The following FSTL5 variants were observed in gnomAD, a reference collection of about 807,000 sequenced individuals.
FSTL5 encodes the protein follistatin-related protein 5.
Under a neutral mutation model 89.1 loss-of-function variants are expected in FSTL5, and 62 were observed. The ratio of observed to expected loss-of-function variants is 0.70; its 90% confidence interval spans 0.57 to 0.86. The LOEUF (loss-of-function observed/expected upper bound fraction) is 0.86, where lower values mean the gene tolerates loss of function less well. FSTL5 is among the 40% of genes least tolerant of loss of function. FSTL5 has a pLI of 0.00. For synonymous variants in FSTL5, 383 were observed against 346.2 expected, an observed-to-expected ratio of 1.11 and a Z score of -1.18; for missense variants, 1,057 against 1,001.6, an observed-to-expected ratio of 1.06 and a Z score of -0.75.
chr4:162,144,054 C>G (rs777914525), intron 1 of FSTL5, among the ~76,000 whole-genome samples: 3 of 152,130 alleles, frequency 2.0e-5, no homozygotes, highest in Non-Finnish European at 4.4e-5. Flanking sequence ...AAAACAAAAC[C>G]TGCTGGCAGA....
chr4:161,506,943 T>C (rs1730502138), intron 11 of FSTL5, among the ~76,000 whole-genome samples: 1 of 152,138 alleles, frequency 6.6e-6, no homozygotes, highest in Admixed American at 6.5e-5. Flanking sequence ...TTAGAAAGAA[T>C]AAAAAAGGCA....
chr4:161,550,918 AT>A (rs1203532829), intron 8 of FSTL5, among the ~76,000 whole-genome samples: 1 of 151,782 alleles, frequency 6.6e-6, no homozygotes, highest in African/African-American at 2.4e-5. Flanking sequence ...CGAACTCATC[AT>A]TTTTTATGGC....
chr4:161,656,292 A>G (rs1360901761), intron 7 of FSTL5, 36 bp downstream of exon 7: 1 of 1,173,772 alleles, frequency 8.5e-7, no homozygotes, highest in African/African-American at 1.6e-5. Flanking sequence ...CACATGAAAT[A>G]TATATATTAT....
chr4:161,934,045 G>T (rs947668619), intron 3 of FSTL5, among the ~76,000 whole-genome samples: 1 of 152,018 alleles, frequency 6.6e-6, no homozygotes, highest in African/African-American at 2.4e-5. Context: ...TTGATGGGAA[G>T]ACCTCATTTG....
At chr4:161,503,840 C>T (rs1023798436) in intron 11 of FSTL5, among the ~76,000 whole-genome samples, 2 of 152,036 alleles carry the variant, frequency 1.3e-5, no homozygotes, top group African/African-American at 4.8e-5. Flanking sequence ...TCTAGTTGAA[C>T]ATAATATAAA....
At chr4:161,932,933 G>C (rs1578872108) in intron 3 of FSTL5, among the ~76,000 whole-genome samples, 2 of 151,918 alleles carry the variant, frequency 1.3e-5, no homozygotes, top group East Asian at 3.9e-4. Context: ...TCAAGCTATT[G>C]ATAAATTCTC....
intron 2 of FSTL5, among the ~76,000 whole-genome samples, chr4:162,058,452 G>A (rs1578993730): frequency 7.2e-6 from 1 of 138,956 alleles, no homozygotes. Flanking sequence ...TTTGAGACAG[G>A]GTCTCGCTCT....
At chr4:161,705,828 C>T (rs1262051461) in intron 6 of FSTL5, among the ~76,000 whole-genome samples, 1 of 148,940 alleles carries the variant, frequency 6.7e-6, no homozygotes, top group Non-Finnish European at 1.5e-5. Flanking sequence ...TATAGGTAAA[C>T]TTGGGAGGAT....
intron 4 of FSTL5, among the ~76,000 whole-genome samples, chr4:161,780,996 G>A (rs1467651966): frequency 6.6e-6 from 1 of 152,080 alleles, no homozygotes; most frequent in South Asian, 2.1e-4. Context: ...GATAGAATTT[G>A]ATTAGTTTGA....
chr4:161,432,620 A>G (rs1370966917), intron 15 of FSTL5, among the ~76,000 whole-genome samples: 1 of 151,986 alleles, frequency 6.6e-6, no homozygotes, highest in Non-Finnish European at 1.5e-5. Flanking sequence ...AAAACAAAAA[A>G]TAGAAAAGAT....
intron 4 of FSTL5, among the ~76,000 whole-genome samples, chr4:161,887,425 AT>A (rs1732846631): frequency 3.6e-5 from 1 of 27,780 alleles, no homozygotes; most frequent in African/African-American, 9.9e-5. Flanking sequence ...CTATCTATCT[AT>A]CATCTATCTA....
At chr4:162,022,101 A>C (rs1190929793) in intron 3 of FSTL5, among the ~76,000 whole-genome samples, 1 of 151,912 alleles carries the variant, frequency 6.6e-6, no homozygotes, top group African/African-American at 2.4e-5. Flanking sequence ...AGGGAAAAAA[A>C]AAAAAAAAAG....
chr4:161,916,784 A>G (rs1218177572), intron 4 of FSTL5, among the ~76,000 whole-genome samples: 1 of 152,150 alleles, frequency 6.6e-6, no homozygotes, highest in East Asian at 1.9e-4. Flanking sequence ...TAAGATTAAC[A>G]CAGAGGTATT....
At chr4:161,427,410 G>A (rs1732204547) in intron 15 of FSTL5, among the ~76,000 whole-genome samples, 1 of 152,170 alleles carries the variant, frequency 6.6e-6, no homozygotes, top group South Asian at 2.1e-4. Context: ...ATCTAGTGCT[G>A]ATACTAAAGC....
intron 10 of FSTL5, among the ~76,000 whole-genome samples, chr4:161,520,443 CTAGA>C (rs1395336816): frequency 6.6e-6 from 1 of 151,712 alleles, no homozygotes; most frequent in African/African-American, 2.4e-5. Flanking sequence ...ATAAAAATTG[CTAGA>C]TATTTTGTGA....
intron 6 of FSTL5, among the ~76,000 whole-genome samples, chr4:161,742,790 T>C (rs772432184): frequency 2.0e-5 from 3 of 152,200 alleles, no homozygotes; most frequent in Non-Finnish European, 2.9e-5. Context: ...AATATCCTAA[T>C]GGTGTTTTTG....
intron 7 of FSTL5, among the ~76,000 whole-genome samples, chr4:161,593,450 C>G (rs1733899502): frequency 6.6e-6 from 1 of 151,564 alleles, no homozygotes; most frequent in Non-Finnish European, 1.5e-5. Flanking sequence ...GCTATTGAAT[C>G]TGACCTTGAA....
intron 8 of FSTL5, among the ~76,000 whole-genome samples, chr4:161,581,771 C>T (rs1393806681): frequency 3.3e-5 from 5 of 152,114 alleles, no homozygotes; most frequent in Non-Finnish European, 5.9e-5. Context: ...AAAACACATC[C>T]GCACAATATT....
At chr4:162,102,627 T>A (rs898036737) in intron 2 of FSTL5, among the ~76,000 whole-genome samples, 1 of 145,142 alleles carries the variant, frequency 6.9e-6, no homozygotes, top group Admixed American at 7.0e-5. Flanking sequence ...AAAATATTTA[T>A]AACATATATA....
Sources: allele counts gnomAD v4.1 joint callset (sites outside exome capture counted in the v4.1 genomes callset), GRCh38; gene constraint gnomAD v4.1.1; transcripts MANE v1.5; gene names NCBI Gene and HGNC (gene_info 2026-07-23, HGNC 2026-07-21).